Variants in BRD7 observed in about 807,000 individuals in gnomAD.
BRD7 encodes the protein bromodomain-containing protein 7.
Under a neutral mutation model 82.1 loss-of-function variants are expected in BRD7, and 15 were observed. The observed-to-expected ratio is 0.18, with a 90% CI of 0.12 to 0.28. The LOEUF is 0.28. Among genes scored for constraint, BRD7 ranks in the 10% least tolerant of loss-of-function variants. The pLI, the probability that BRD7 is intolerant of heterozygous loss-of-function variation, is 1.00. For synonymous variants in BRD7, 232 were observed against 266.9 expected (o/e 0.87, Z 1.27); for missense variants, 638 against 779.9 (o/e 0.82, Z 2.17).
intron 13 of BRD7, among the ~76,000 whole-genome samples, chr16:50,321,109 G>A (rs2037080497): frequency 6.6e-6 from 1 of 152,184 alleles, no homozygotes; most frequent in Non-Finnish European, 1.5e-5. Context: ...AAGAGCTTTT[G>A]GTGATGACAA....
intron 2 of BRD7, among the ~76,000 whole-genome samples, chr16:50,364,268 T>TA (rs1272347398): frequency 2.6e-5 from 4 of 152,256 alleles, no homozygotes; most frequent in South Asian, 2.1e-4. Flanking sequence ...GAATCATACA[T>TA]ACTCTAGCCC....
chr16:50,339,845 C>T, intron 6 of BRD7, 131 bp downstream of exon 6: 5 of 437,744 alleles, frequency 1.1e-5, no homozygotes, highest in Admixed American at 4.3e-5. Context: ...TTAGTATTTT[C>T]TACTTTATTT....
intron 5 of BRD7, chr16:50,349,490 G>A (rs925916224): frequency 1.3e-5 from 6 of 466,200 alleles, no homozygotes; most frequent in Non-Finnish European, 2.7e-5. Context: ...GTGAAGACGT[G>A]CTTGCTTCCC....
intron 5 of BRD7, among the ~76,000 whole-genome samples, chr16:50,345,784 C>T (rs1043267863): frequency 2.0e-5 from 3 of 152,120 alleles, no homozygotes; most frequent in Non-Finnish European, 4.4e-5. Flanking sequence ...CCTGAGTTAC[C>T]TAAAAAGAGA....
Position 50,317,550 on chromosome 16 carries a change from AACTG to A in BRD7, c.*1657_*1660del, listed in dbSNP as rs1322354979. 3 of 152,372 alleles carry A rather than the reference AACTG, an allele frequency of 2.0e-5. No individual in the cohort carries two copies. Among genetic ancestry groups the A allele is most frequent in the Non-Finnish European group, 4.4e-5 (3 of 68,044 alleles). The allele number at this position is 152,372 out of a possible 1,614,324, so 9.4% of individuals were successfully genotyped here. ...AACCCCAGTTGGGAGTTTAACAAAT[AACTG>A]ACTACCACTCACTCATGCATTTTTA... On this transcript the variant is annotated 3_prime_UTR_variant, in exon 17 of 17. Coordinates refer to ENST00000394688, the MANE Select transcript of BRD7 (RefSeq NM_013263.5).
intron 5 of BRD7, among the ~76,000 whole-genome samples, chr16:50,341,925 T>A (rs1468803239): frequency 2.5e-5 from 2 of 78,896 alleles, no homozygotes; most frequent in Non-Finnish European, 4.5e-5. Flanking sequence ...TCCTGCACAC[T>A]TTTCACACAC....
chr16:50,320,258 T>C lies in BRD7; in HGVS notation c.1746A>G (p.Glu582=), dbSNP rs757663481. The change falls in exon 15 of 17, where the codon GAA becomes GAG. Residue 582 remains glutamate, a synonymous_variant. Coordinates refer to ENST00000394688, the MANE Select transcript of BRD7 (RefSeq NM_013263.5). ...GGAGGCAAAACATACCAAGATGCAT[T>C]TCTCTGTATGAGGGACCCAAGAGAC... is the stretch of plus-strand genomic sequence containing the variant. ...MICLLGPSYR[E]MHLAEQVTNN... is the part of the protein sequence containing the mutation. 3.7e-6 allele frequency: 6 copies of C among 1,611,378 alleles called. No individual in the cohort carries two copies. Among genetic ancestry groups the C allele is most frequent in the Middle Eastern group, 3.3e-4 (2 of 6,042 alleles).
intron 6 of BRD7, among the ~76,000 whole-genome samples, chr16:50,337,303 C>T (rs994967232): frequency 7.0e-5 from 10 of 142,364 alleles, no homozygotes; most frequent in Non-Finnish European, 1.5e-4. Flanking sequence ...TCTTGTTGCC[C>T]AGGCTGGAGT....
intron 8 of BRD7, among the ~76,000 whole-genome samples, chr16:50,330,276 A>C (rs1042189693): frequency 6.6e-5 from 10 of 152,018 alleles, no homozygotes; most frequent in African/African-American, 2.4e-4. Flanking sequence ...CTGTTCCTTA[A>C]AGGGCTCCCT....
At position 50,321,191 on chromosome 16, in the gene BRD7, T is replaced by C. The variant is rs551921519; in HGVS notation, c.1501-417A>G. On this transcript the variant is annotated intron_variant, in intron 13 of 16. Transcript: ENST00000394688. ...TCTAGTCCGTATACTTGCATTCCTA[T>C]TGATACACTTCCCGGGTCTTCTCCA... Among the ~76,000 whole-genome samples, 6 of 152,346 alleles carry C rather than the reference T, an allele frequency of 3.9e-5. No homozygotes were observed. In the East Asian group the frequency reaches 5.8e-4, roughly 15 times the overall value.
At chr16:50,349,608 C>T (rs759835397) in intron 5 of BRD7, 7 of 470,812 alleles carry the variant, frequency 1.5e-5, no homozygotes, top group South Asian at 1.1e-4. Flanking sequence ...CATAAATTAC[C>T]CAGTCTCAGG....
intron 2 of BRD7, among the ~76,000 whole-genome samples, chr16:50,356,551 T>C (rs2038739883): frequency 1.3e-5 from 2 of 152,132 alleles, no homozygotes; most frequent in African/African-American, 4.8e-5. Context: ...TATGAAAATG[T>C]GTAAGCATAC....
intron 5 of BRD7, chr16:50,349,765 A>C: frequency 2.5e-6 from 1 of 401,656 alleles, no homozygotes; most frequent in Non-Finnish European, 4.8e-6. Flanking sequence ...GTTGGAAAAA[A>C]TATACTGTGG....
At chr16:50,353,893 C>T (rs983556095) in intron 4 of BRD7, among the ~76,000 whole-genome samples, 17 of 152,122 alleles carry the variant, frequency 1.1e-4, no homozygotes, top group African/African-American at 3.9e-4. Flanking sequence ...CCACCACACC[C>T]GGCCCAAAAT....
intron 1 of BRD7, 148 bp from the exon 2 acceptor site, chr16:50,368,446 G>A: frequency 1.1e-6 from 1 of 926,430 alleles, no homozygotes; most frequent in Non-Finnish European, 1.6e-6. Context: ...ACGGACCCCG[G>A]CCCGGGGGTG....
At chr16:50,331,402 A>G (rs1361315106) in intron 8 of BRD7, among the ~76,000 whole-genome samples, 10 of 152,202 alleles carry the variant, frequency 6.6e-5, no homozygotes, top group African/African-American at 1.9e-4. Flanking sequence ...ACATTACCCA[A>G]TTTCAAACTA....
chr16:50,359,305 T>G (rs1422889433), intron 2 of BRD7, among the ~76,000 whole-genome samples: 3 of 152,224 alleles, frequency 2.0e-5, no homozygotes, highest in African/African-American at 4.8e-5. Flanking sequence ...AGCTATGGTG[T>G]CATGGATAAA....
chr16:50,336,767 G>A (rs1207964885), intron 6 of BRD7, among the ~76,000 whole-genome samples: 2 of 152,104 alleles, frequency 1.3e-5, no homozygotes, highest in Non-Finnish European at 1.5e-5. Flanking sequence ...TAAAAAACAC[G>A]ACATGCACAA....
At chr16:50,351,979 T>C (rs961951901) in intron 4 of BRD7, among the ~76,000 whole-genome samples, 15 of 152,338 alleles carry the variant, frequency 9.8e-5, no homozygotes, top group East Asian at 3.9e-4. Context: ...TAATAAATGG[T>C]TGTGGACTGC....
Sources: gnomAD v4.1 joint callset for allele counts (sites outside exome capture counted in the v4.1 genomes callset) on GRCh38, gnomAD v4.1.1 for gene constraint, MANE v1.5 for transcripts, NCBI Gene and HGNC (gene_info 2026-07-23, HGNC 2026-07-21) for gene names.